PADI4: variants seen among roughly 807,000 people sequenced by gnomAD.
PADI4 encodes the protein peptidyl arginine deiminase 4, also known as protein-arginine deiminase type-4.
A neutral mutation model predicts 75.0 loss-of-function variants in PADI4; 62 were observed. The observed-to-expected ratio is 0.83, with a 90% CI of 0.67 to 1.02. PADI4 has a LOEUF of 1.02. Ranked by LOEUF, PADI4 falls within the 50% of genes least tolerant of loss-of-function variation. The pLI is 0.00. For synonymous variants in PADI4, 361 were observed against 348.1 expected (o/e 1.04, Z -0.41); for missense variants, 845 against 850.5 (o/e 0.99, Z 0.08).
At chr1:17,354,495 A>G in intron 10 of PADI4, 38 bp from the exon 11 acceptor site, 1 of 1,608,560 alleles carries the variant, frequency 6.2e-7, no homozygotes, top group Non-Finnish European at 8.5e-7. Context: ...CAGGGACCTC[A>G]TTCCTCTAAC....
Position 17,348,102 on chromosome 1 carries a change from G to T in PADI4, c.1155+54G>T, listed in dbSNP as rs763293644. On this transcript the variant is annotated intron_variant, in intron 10 of 15. Coordinates refer to ENST00000375448, the MANE Select transcript of PADI4 (RefSeq NM_012387.3). ...AGCTGCCGAAACCCTCTTGTCTTGA[G>T]ACTCCCTCCTTTTAGCCTGCCTTCC... 158 of 1,158,412 alleles carry T rather than the reference G, an allele frequency of 1.4e-4. No homozygotes were observed. In the South Asian group the frequency reaches 1.8e-3, roughly 13 times the overall value. The allele number at this position is 1,158,412 out of a possible 1,614,324, so 71.8% of individuals were successfully genotyped here. A position where few individuals can be genotyped will look rare whatever the true frequency, so the allele number is the denominator to read the frequency against.
At chr1:17,314,987 C>G (rs1185187848) in intron 1 of PADI4, among the ~76,000 whole-genome samples, 1 of 152,224 alleles carries the variant, frequency 6.6e-6, no homozygotes, top group Non-Finnish European at 1.5e-5. Flanking sequence ...GTCAGTGCCA[C>G]CCGGGGTGAT....
At chr1:17,312,787 G>T in intron 1 of PADI4, among the ~76,000 whole-genome samples, 1 of 151,536 alleles carries the variant, frequency 6.6e-6, no homozygotes, top group East Asian at 1.9e-4. Flanking sequence ...CAACAGAACT[G>T]GTTCACGGGA....
chr1:17,350,817 C>T (rs78187343), intron 10 of PADI4, among the ~76,000 whole-genome samples: 3,788 of 129,582 alleles, frequency 0.029, 463 homozygotes, highest in African/African-American at 0.09. Flanking sequence ...ACGGAGGGGA[C>T]GTTCTGGCCC....
chr1:17,350,192 C>T lies in PADI4; in HGVS notation c.1155+2144C>T, dbSNP rs150292448. On this transcript the variant is annotated intron_variant, in intron 10 of 15. Transcript: ENST00000375448. ...CTGGGCCTGAGGCTGTTATGCCTTA[C>T]GCTGTCCATCGGGCAGCTGGCACAA... 1.5e-5 allele frequency among the ~76,000 whole-genome samples: 2 copies of T among 129,182 alleles called. 1 individual carries two copies. The highest frequency in any genetic ancestry group is 6.7e-4 in the East Asian group (2 of 2,974). 84.7% of individuals were successfully genotyped at this position (129,182 alleles called of 152,430 possible). A position where few individuals can be genotyped will look rare whatever the true frequency, so the allele number is the denominator to read the frequency against.
chr1:17,316,791 C>A (rs2073948767), intron 1 of PADI4, among the ~76,000 whole-genome samples: 1 of 151,928 alleles, frequency 6.6e-6, no homozygotes, highest in African/African-American at 2.4e-5. Flanking sequence ...CACCCGTCTC[C>A]CCTGCCCCGC....
At chr1:17,336,897 C>T (rs751103912) in intron 4 of PADI4, among the ~76,000 whole-genome samples, 6 of 152,210 alleles carry the variant, frequency 3.9e-5, no homozygotes, top group Non-Finnish European at 8.8e-5. Context: ...GAAATGCAGT[C>T]ATTTCCCAGG....
chr1:17,348,134 G>A (rs1485592438), intron 10 of PADI4, 86 bp downstream of exon 10: 8 of 819,368 alleles, frequency 9.8e-6, no homozygotes, highest in African/African-American at 1.7e-5. Flanking sequence ...TTCCCCGCCC[G>A]CGCCTGTAGC....
At chr1:17,322,013 A>T (rs2074038311) in intron 1 of PADI4, among the ~76,000 whole-genome samples, 5 of 152,226 alleles carry the variant, frequency 3.3e-5, no homozygotes, top group Non-Finnish European at 1.5e-5. Context: ...GTAGAGGAGT[A>T]GTCACTTATG....
chr1:17,327,941 T>C (rs1260502776), intron 1 of PADI4, among the ~76,000 whole-genome samples: 1 of 151,990 alleles, frequency 6.6e-6, no homozygotes, highest in African/African-American at 2.4e-5. Context: ...CTCCTATTCA[T>C]TTTCTTATTA....
At chr1:17,316,960 G>A (rs950968319) in intron 1 of PADI4, among the ~76,000 whole-genome samples, 3 of 152,090 alleles carry the variant, frequency 2.0e-5, no homozygotes, top group African/African-American at 7.2e-5. Context: ...TGAATGTTCA[G>A]CCGATGAGAC....
In PADI4 at chr1:17,356,068, T is replaced by G. The variant is rs1489774290; in HGVS notation, c.1396T>G (p.Trp466Gly). 6.2e-7 allele frequency: 1 copy of G among 1,614,192 alleles called. No individual in the cohort carries two copies. The highest frequency in any genetic ancestry group is 2.2e-5 in the East Asian group (1 of 44,876). ...GGCCCCTGTGAAGCTCTATTCTGAC[T>G]GGCTGTCCGTGGGCCACGTGGACGA... ...VQAPVKLYSD[W>G]LSVGHVDEFL... The change falls in exon 12 of 16, where the codon TGG becomes GGG. Residue 466 changes from tryptophan (W) to glycine (G), a missense_variant. Coordinates refer to ENST00000375448, the MANE Select transcript of PADI4 (RefSeq NM_012387.3). This position sits in a 1 kb window ranked among gnomAD's most constrained non-coding sequence, Gnocchi z 4.1.
At chr1:17,317,878 G>T (rs1310999386) in intron 1 of PADI4, among the ~76,000 whole-genome samples, 2 of 152,140 alleles carry the variant, frequency 1.3e-5, no homozygotes, top group African/African-American at 4.8e-5. Context: ...TTTTAAATTA[G>T]CTGGATGTGG....
Position 17,339,832 on chromosome 1 carries a change from T to G in PADI4, c.652+19T>G. 6.3e-7 allele frequency: 1 copy of G among 1,586,304 alleles called. No homozygotes were observed. The highest frequency in any genetic ancestry group is 2.3e-5 in the East Asian group (1 of 43,388). ...GCCACACGTAAGTCATCCCCATCTT[T>G]GTTCCCCTCCTGCCCTGGCCAACGG... On this transcript the variant is annotated intron_variant, in intron 6 of 15. Coordinates refer to ENST00000375448, the MANE Select transcript of PADI4 (RefSeq NM_012387.3).
At chr1:17,311,618 G>A (rs555500975) in intron 1 of PADI4, among the ~76,000 whole-genome samples, 3 of 151,642 alleles carry the variant, frequency 2.0e-5, no homozygotes, top group Non-Finnish European at 4.4e-5. Flanking sequence ...TCCACCTCCC[G>A]GGTTCACGCA....
intron 14 of PADI4, 63 bp from the exon 15 acceptor site, chr1:17,359,217 T>TGGC: frequency 3.1e-6 from 2 of 647,812 alleles, no homozygotes; most frequent in Non-Finnish European, 2.6e-6. Context: ...CCCCACACTG[T>TGGC]CCCCCACCCC....
chr1:17,337,616 T>A (rs941231217), intron 4 of PADI4, among the ~76,000 whole-genome samples: 2 of 152,026 alleles, frequency 1.3e-5, no homozygotes, highest in Non-Finnish European at 2.9e-5. Context: ...TAAACTGCAC[T>A]GGGTTAAAGA....
At position 17,346,759 on chromosome 1, in the gene PADI4, C is replaced by T. The variant is rs980709308; in HGVS notation, c.1047+620C>T. Among the ~76,000 whole-genome samples the T allele has an allele frequency of 2.5e-4, 38 of 152,196 alleles. No individual in the cohort carries two copies. Among genetic ancestry groups the T allele is most frequent in the African/African-American group, 7.2e-4 (30 of 41,532 alleles). ...GCCTCGGGACCCTGTCCTTCCATGCCGCACCCCTGCGGTGCTGTCTCTTGG... is the reference window on the plus strand; with the variant it reads ...GCCTCGGGACCCTGTCCTTCCATGCTGCACCCCTGCGGTGCTGTCTCTTGG... On this transcript the variant is annotated intron_variant, in intron 9 of 15. Coordinates refer to ENST00000375448, the MANE Select transcript of PADI4 (RefSeq NM_012387.3). This position sits in a 1 kb window ranked among gnomAD's most constrained non-coding sequence, Gnocchi z 4.3.
chr1:17,357,083 G>C (rs2074773608), intron 13 of PADI4, among the ~76,000 whole-genome samples: 1 of 152,216 alleles, frequency 6.6e-6, no homozygotes, highest in South Asian at 2.1e-4. Flanking sequence ...AGATAATTTA[G>C]CGTTAATGCA....
Sources: gnomAD v4.1 joint callset for allele counts (sites outside exome capture counted in the v4.1 genomes callset) on GRCh38, gnomAD v4.1.1 for gene constraint, Gnocchi (gnomAD v3.1) non-coding constraint, MANE v1.5 for transcripts, NCBI Gene and HGNC (gene_info 2026-07-23, HGNC 2026-07-21) for gene names.